Variants in BTBD9 observed in about 807,000 individuals in gnomAD.
BTBD9 encodes BTB/POZ domain-containing protein 9.
A neutral mutation model predicts 64.3 loss-of-function variants in BTBD9; 49 were observed. The ratio of observed to expected loss-of-function variants is 0.76; its 90% confidence interval spans 0.61 to 0.97. BTBD9 has a LOEUF of 0.97. Among genes scored for constraint, BTBD9 ranks in the 50% least tolerant of loss-of-function variants. BTBD9 has a pLI of 0.00. For synonymous variants in BTBD9, 260 were observed against 274.7 expected, an observed-to-expected ratio of 0.95 and a Z score of 0.53; for missense variants, 598 against 762.1, an observed-to-expected ratio of 0.78 and a Z score of 2.53.
Position 38,581,488 on chromosome 6 carries a change from A to G in BTBD9, c.815-1051T>C, listed in dbSNP as rs114216658. On this transcript the variant is annotated intron_variant, in intron 4 of 10. Coordinates refer to ENST00000481247, the MANE Select transcript of BTBD9 (RefSeq NM_001099272.2). ...AAATCAGTATTATGGTTATTATTAA[A>G]TCCCCTCCCCTCACCAACATTAGAT... is the stretch of plus-strand genomic sequence containing the variant. Among the ~76,000 whole-genome samples the G allele has an allele frequency of 2.9e-3, 437 of 152,278 alleles. 7 individuals are homozygous for G. Among genetic ancestry groups the G allele is most frequent in the African/African-American group, 0.01 (418 of 41,550 alleles).
intron 1 of BTBD9, among the ~76,000 whole-genome samples, chr6:38,598,930 A>AATAATC (rs1163324546): frequency 6.6e-6 from 1 of 151,786 alleles, no homozygotes; most frequent in African/African-American, 2.4e-5. Flanking sequence ...AAAAAATAAT[A>AATAATC]ATAATAATAA....
At position 38,547,396 on chromosome 6, in the gene BTBD9, C is replaced by G. The variant is rs112954905; in HGVS notation, c.1154+30204G>C. 3.8e-3 allele frequency among the ~76,000 whole-genome samples: 584 copies of G among 152,154 alleles called. 8 individuals carry two copies. Among genetic ancestry groups the G allele is most frequent in the African/African-American group, 0.014 (563 of 41,500 alleles). On this transcript the variant is annotated intron_variant, in intron 6 of 10. Transcript: ENST00000481247. Reference sequence around the variant, plus strand: ...AGTGAGCCATGATCATGATGCTGCACTCCAATCTGGGTGACAGAGCAAGAC... The same window carrying G: ...AGTGAGCCATGATCATGATGCTGCAGTCCAATCTGGGTGACAGAGCAAGAC...
chr6:38,393,182 C>T (rs1766513547), intron 6 of BTBD9, among the ~76,000 whole-genome samples: 1 of 152,192 alleles, frequency 6.6e-6, no homozygotes, highest in South Asian at 2.1e-4. Flanking sequence ...GCGTGAGCCA[C>T]TATGACCAGC....
intron 8 of BTBD9, among the ~76,000 whole-genome samples, chr6:38,266,614 GAAAGAAAGAAAGAAA>G (rs1327297826): frequency 0.065 from 624 of 9,668 alleles, 7 homozygotes; most frequent in Middle Eastern, 0.29. Flanking sequence ...AGGAAAGAAA[GAAAGAAAGAAAGAAA>G]GAAAGAAAGA....
intron 8 of BTBD9, among the ~76,000 whole-genome samples, chr6:38,263,454 C>A (rs759926472): frequency 6.6e-6 from 1 of 152,208 alleles, no homozygotes; most frequent in Admixed American, 6.5e-5. Flanking sequence ...TCAAGGTGGA[C>A]ATGGGAGATT....
intron 7 of BTBD9, among the ~76,000 whole-genome samples, chr6:38,324,681 G>C (rs1004834581): frequency 6.6e-6 from 1 of 152,142 alleles, no homozygotes; most frequent in African/African-American, 2.4e-5. Context: ...GTACGTGGGA[G>C]GAAAAGGGCT....
intron 1 of BTBD9, among the ~76,000 whole-genome samples, chr6:38,636,327 A>G (rs1284146544): frequency 6.6e-6 from 1 of 152,188 alleles, no homozygotes; most frequent in Non-Finnish European, 1.5e-5. Flanking sequence ...GGACATCTAT[A>G]TTACAATTGT....
chr6:38,391,172 T>G (rs1017912963), intron 6 of BTBD9, among the ~76,000 whole-genome samples: 5 of 152,234 alleles, frequency 3.3e-5, no homozygotes, highest in Admixed American at 1.3e-4. Context: ...GGGTGAGGAA[T>G]GTGTGCCAAG....
intron 9 of BTBD9, among the ~76,000 whole-genome samples, chr6:38,210,784 C>T (rs1042232998): frequency 7.9e-5 from 12 of 152,194 alleles, no homozygotes; most frequent in Non-Finnish European, 1.6e-4. Flanking sequence ...GTTTCTGTCA[C>T]ACTTGGATCT....
At chr6:38,371,087 T>C (rs913546421) in intron 6 of BTBD9, among the ~76,000 whole-genome samples, 1 of 152,184 alleles carries the variant, frequency 6.6e-6, no homozygotes, top group Non-Finnish European at 1.5e-5. Flanking sequence ...CCAGGACTTA[T>C]CACATTGCTC....
intron 6 of BTBD9, among the ~76,000 whole-genome samples, chr6:38,413,953 G>C (rs777711517): frequency 2.6e-5 from 4 of 152,122 alleles, no homozygotes; most frequent in Non-Finnish European, 5.9e-5. Flanking sequence ...GATTTGTTAT[G>C]TGTAAAGTGT....
intron 7 of BTBD9, among the ~76,000 whole-genome samples, chr6:38,338,656 A>G (rs895657466): frequency 6.6e-6 from 1 of 152,112 alleles, no homozygotes; most frequent in Admixed American, 6.5e-5. Flanking sequence ...GAGAACTTCT[A>G]TTTTCCAGGA....
At chr6:38,506,470 C>G (rs1772521979) in intron 6 of BTBD9, among the ~76,000 whole-genome samples, 1 of 152,206 alleles carries the variant, frequency 6.6e-6, no homozygotes, top group African/African-American at 2.4e-5. Flanking sequence ...GCAGGGCTTG[C>G]TGCCACTGCC....
At chr6:38,595,512 G>A (rs1269909123) in intron 2 of BTBD9, among the ~76,000 whole-genome samples, 1 of 152,118 alleles carries the variant, frequency 6.6e-6, no homozygotes, top group Non-Finnish European at 1.5e-5. Flanking sequence ...GGAAAGAAAG[G>A]ACGAAGAGGA....
At chr6:38,437,697 C>T (rs915376228) in intron 6 of BTBD9, among the ~76,000 whole-genome samples, 4 of 152,010 alleles carry the variant, frequency 2.6e-5, no homozygotes, top group Admixed American at 6.5e-5. Flanking sequence ...ACAGAGTTCA[C>T]GTAGAGAAGA....
intron 5 of BTBD9, among the ~76,000 whole-genome samples, chr6:38,578,701 A>G (rs554423558): frequency 3.3e-5 from 5 of 152,260 alleles, no homozygotes; most frequent in Admixed American, 6.5e-5. Context: ...TAATTTTACA[A>G]CATGTCAGAA....
chr6:38,291,802 T>C (rs993989193), intron 7 of BTBD9, among the ~76,000 whole-genome samples: 2 of 152,188 alleles, frequency 1.3e-5, no homozygotes, highest in African/African-American at 2.4e-5. Context: ...CGTTTATTGA[T>C]TTGCGTATGT....
intron 9 of BTBD9, among the ~76,000 whole-genome samples, chr6:38,203,641 T>G (rs73410474): frequency 0.016 from 2,378 of 152,242 alleles, 60 homozygotes; most frequent in African/African-American, 0.053. Context: ...GTGATATCAT[T>G]CAGGCCCAGA....
intron 6 of BTBD9, among the ~76,000 whole-genome samples, chr6:38,427,538 G>A (rs1162496158): frequency 6.6e-6 from 1 of 151,908 alleles, no homozygotes; most frequent in African/African-American, 2.4e-5. Context: ...TGCCTCCCTA[G>A]AAAGGAAAAG....
Sources: gnomAD v4.1 joint callset for allele counts (sites outside exome capture counted in the v4.1 genomes callset) on GRCh38, gnomAD v4.1.1 for gene constraint, MANE v1.5 for transcripts, NCBI Gene and HGNC (gene_info 2026-07-23, HGNC 2026-07-21) for gene names.